Variants in GPR176 observed in about 807,000 individuals in gnomAD.
GPR176 encodes the protein G protein-coupled receptor 176.
A neutral mutation model predicts 35.4 loss-of-function variants in GPR176; 26 were observed. The observed-to-expected ratio is 0.74, with a 90% CI of 0.54 to 1.02. The LOEUF (loss-of-function observed/expected upper bound fraction) is 1.02, where lower values mean the gene tolerates loss of function less well. Ranked by LOEUF, GPR176 falls within the 50% of genes least tolerant of loss-of-function variation. The pLI is 0.00. For synonymous variants in GPR176, 278 were observed against 271.3 expected (o/e 1.02, Z -0.24); for missense variants, 597 against 665.3 (o/e 0.90, Z 1.13).
intron 1 of GPR176, among the ~76,000 whole-genome samples, chr15:39,893,393 C>T (rs2032948022): frequency 6.6e-6 from 1 of 152,026 alleles, no homozygotes; most frequent in Admixed American, 6.6e-5. Flanking sequence ...GGACACAGCA[C>T]ATGTTTCAGA....
Position 39,874,063 on chromosome 15 carries a change from A to G in GPR176, c.172+45792T>C, listed in dbSNP as rs546536309. ...TGCACGAAGGTTAGGTATTGAGAAG[A>G]TGTCTGTAAGTCTCAAGTGACTTAC... is the stretch of plus-strand genomic sequence containing the variant. On this transcript the variant is annotated intron_variant, in intron 1 of 2. Transcript: ENST00000561100. 4.6e-5 allele frequency among the ~76,000 whole-genome samples: 7 copies of G among 152,350 alleles called. 1 individual carries two copies. The highest frequency in any genetic ancestry group is 1.4e-4 in the African/African-American group (6 of 41,582).
At chr15:39,878,095 C>CGTGTGT (rs1411063695) in intron 1 of GPR176, among the ~76,000 whole-genome samples, 23 of 40,876 alleles carry the variant, frequency 5.6e-4, no homozygotes, top group Admixed American at 1.4e-3. Context: ...CCCATAGTTA[C>CGTGTGT]CTGTGTGTGT....
At chr15:39,803,311 ACT>A (rs1369745934) in intron 2 of GPR176, among the ~76,000 whole-genome samples, 1 of 116,470 alleles carries the variant, frequency 8.6e-6, no homozygotes, top group Non-Finnish European at 1.6e-5. Context: ...ATAGAGTCTC[ACT>A]CTGTCGCCCA....
intron 2 of GPR176, among the ~76,000 whole-genome samples, chr15:39,805,578 A>G (rs1679583768): frequency 6.6e-6 from 1 of 151,750 alleles, no homozygotes; most frequent in Non-Finnish European, 1.5e-5. Context: ...ATGTGGACAC[A>G]CTCTCCACGT....
chr15:39,844,667 C>T (rs1411071043), intron 1 of GPR176, among the ~76,000 whole-genome samples: 1 of 152,048 alleles, frequency 6.6e-6, no homozygotes, highest in African/African-American at 2.4e-5. Flanking sequence ...TATAAGTGCC[C>T]ATACTTTTCC....
intron 1 of GPR176, among the ~76,000 whole-genome samples, chr15:39,830,339 G>C (rs985123425): frequency 6.6e-6 from 1 of 152,208 alleles, no homozygotes; most frequent in Non-Finnish European, 1.5e-5. Context: ...AAACGAGTTT[G>C]ACATATAGAT....
At chr15:39,806,142 T>C (rs1252926083) in intron 2 of GPR176, among the ~76,000 whole-genome samples, 2 of 152,252 alleles carry the variant, frequency 1.3e-5, no homozygotes, top group Admixed American at 6.5e-5. Context: ...CAAAGAGTTC[T>C]AAATTTTCAA....
chr15:39,870,031 C>T (rs1225078355), intron 1 of GPR176, among the ~76,000 whole-genome samples: 1 of 152,182 alleles, frequency 6.6e-6, no homozygotes, highest in Non-Finnish European at 1.5e-5. Context: ...AAAGTCAAGG[C>T]GTCAGCAGAG....
chr15:39,902,284 G>A (rs2033302585), intron 1 of GPR176, among the ~76,000 whole-genome samples: 2 of 152,188 alleles, frequency 1.3e-5, no homozygotes, highest in African/African-American at 4.8e-5. Context: ...AGCAAGGCCA[G>A]GCTAGAATTT....
At chr15:39,822,383 C>T (rs956910143) in intron 1 of GPR176, among the ~76,000 whole-genome samples, 3 of 152,124 alleles carry the variant, frequency 2.0e-5, no homozygotes, top group Non-Finnish European at 2.9e-5. Context: ...TTAGAGCTGT[C>T]GTATTAAATG....
chr15:39,886,920 G>A (rs1011919112), intron 1 of GPR176, among the ~76,000 whole-genome samples: 1 of 152,088 alleles, frequency 6.6e-6, no homozygotes, highest in African/African-American at 2.4e-5. Flanking sequence ...ACCTTTCCCA[G>A]GCTTAACTCC....
At chr15:39,863,446 C>G (rs2031695786) in intron 1 of GPR176, among the ~76,000 whole-genome samples, 5 of 151,376 alleles carry the variant, frequency 3.3e-5, no homozygotes, top group Admixed American at 3.3e-4. Context: ...GTGTTTTAAG[C>G]TAAGTGTTAT....
rs1898892277 is a variant in GPR176 at position 39,801,844 on chromosome 15, C to T, written c.836G>A (p.Ser279Asn). 6.2e-7 allele frequency: 1 copy of T among 1,613,896 alleles called. No homozygotes were observed. Among genetic ancestry groups the T allele is most frequent in the African/African-American group, 1.3e-5 (1 of 74,892 alleles). ...LSMVMVFILC[S>N]VPYATLVVYQ... Reference sequence around the variant, plus strand: ...GACGACCAGGGTGGCATAGGGCACGCTACACAAGATGAAGACCATCACCAT... The same window carrying T: ...GACGACCAGGGTGGCATAGGGCACGTTACACAAGATGAAGACCATCACCAT... The change falls in exon 3 of 3, where the codon AGC becomes AAC. Residue 279 changes from serine (S) to asparagine (N), a missense_variant. Physicochemically the swap from Ser to Asn is conservative, Grantham distance 46. This residue lies in a region of GPR176 where 220 missense variants were observed against 297.6 expected (regional missense o/e 0.74). Transcript: ENST00000561100.
intron 1 of GPR176, among the ~76,000 whole-genome samples, chr15:39,912,519 G>A (rs570201683): frequency 2.0e-4 from 31 of 151,554 alleles, no homozygotes; most frequent in Admixed American, 1.8e-3. Flanking sequence ...CTTGGAGGCC[G>A]AGGTAGAAGG....
chr15:39,862,645 A>C (rs2031650082), intron 1 of GPR176, among the ~76,000 whole-genome samples: 1 of 152,250 alleles, frequency 6.6e-6, no homozygotes, highest in African/African-American at 2.4e-5. Flanking sequence ...CATCACAGCC[A>C]TCTTAAAGTC....
At chr15:39,911,377 A>G (rs1373776286) in intron 1 of GPR176, among the ~76,000 whole-genome samples, 6 of 152,254 alleles carry the variant, frequency 3.9e-5, no homozygotes, top group Non-Finnish European at 8.8e-5. Context: ...GCTTAATCTG[A>G]AAGTTTTTCA....
At chr15:39,808,084 G>A (rs1286112525) in intron 1 of GPR176, among the ~76,000 whole-genome samples, 2 of 152,208 alleles carry the variant, frequency 1.3e-5, no homozygotes, top group Non-Finnish European at 2.9e-5. Context: ...TTTTACAGAA[G>A]AGCATGGTAC....
chr15:39,906,861 G>T lies in GPR176; in HGVS notation c.172+12994C>A, dbSNP rs1351183677. Among the ~76,000 whole-genome samples, 5 of 152,310 alleles carry T rather than the reference G, an allele frequency of 3.3e-5. No individual in the cohort carries two copies. In the East Asian group the frequency reaches 9.6e-4, roughly 29 times the overall value. ...AGCACTTCATTCAATTAATCACTATGTATTGAGCACAAACTATGCACCAGG... is the reference window on the plus strand; with the variant it reads ...AGCACTTCATTCAATTAATCACTATTTATTGAGCACAAACTATGCACCAGG... On this transcript the variant is annotated intron_variant, in intron 1 of 2. Transcript: ENST00000561100.
chr15:39,863,282 C>T (rs1031723639), intron 1 of GPR176, among the ~76,000 whole-genome samples: 2 of 151,050 alleles, frequency 1.3e-5, no homozygotes, highest in Admixed American at 1.3e-4. Flanking sequence ...GGGGTTTCAC[C>T]GTGTTAGCCA....
Sources: gnomAD v4.1 joint callset for allele counts (sites outside exome capture counted in the v4.1 genomes callset) on GRCh38, gnomAD v4.1.1 for gene constraint, gnomAD v4.1.1 regional missense constraint, MANE v1.5 for transcripts, NCBI Gene and HGNC (gene_info 2026-07-23, HGNC 2026-07-21) for gene names.